Variants in PLEKHM3 observed in about 807,000 individuals in gnomAD.
The protein encoded by PLEKHM3 is pleckstrin homology domain containing M3.
Under a neutral mutation model 81.8 loss-of-function variants are expected in PLEKHM3, and 45 were observed. The ratio of observed to expected loss-of-function variants is 0.55; its 90% CI spans 0.43 to 0.71. The LOEUF is 0.71. PLEKHM3 is among the 30% of genes least tolerant of loss of function. The pLI is 0.00. For synonymous variants in PLEKHM3, 352 were observed against 356.4 expected (o/e 0.99, Z 0.14); for missense variants, 788 against 924.3 (o/e 0.85, Z 1.91).
intron 6 of PLEKHM3, among the ~76,000 whole-genome samples, chr2:207,881,777 C>T (rs1330177957): frequency 6.6e-6 from 1 of 152,174 alleles, no homozygotes; most frequent in East Asian, 1.9e-4. Flanking sequence ...AATTTCCCTT[C>T]CCTTTCTCCT....
At chr2:207,912,733 A>C (rs926657864) in intron 5 of PLEKHM3, among the ~76,000 whole-genome samples, 1 of 152,228 alleles carries the variant, frequency 6.6e-6, no homozygotes, top group Admixed American at 6.5e-5. Flanking sequence ...TAAAATAAGA[A>C]AAAGATTTTT....
At chr2:207,877,144 T>C (rs2092563540) in intron 6 of PLEKHM3, among the ~76,000 whole-genome samples, 1 of 152,142 alleles carries the variant, frequency 6.6e-6, no homozygotes, top group African/African-American at 2.4e-5. Flanking sequence ...AAGATAAGAT[T>C]AGTTTCAAAA....
At chr2:207,918,425 G>C (rs1458258276) in intron 5 of PLEKHM3, among the ~76,000 whole-genome samples, 1 of 152,170 alleles carries the variant, frequency 6.6e-6, no homozygotes, top group Non-Finnish European at 1.5e-5. Context: ...AGGAGGCTGA[G>C]GCAGGAGAAT....
intron 7 of PLEKHM3, among the ~76,000 whole-genome samples, chr2:207,833,610 G>C (rs961116533): frequency 2.6e-5 from 4 of 152,124 alleles, no homozygotes; most frequent in Non-Finnish European, 5.9e-5. Flanking sequence ...GGTGTCCTGT[G>C]CATCATAGGA....
At chr2:208,019,208 AGGTAGGAGGATC>A (rs1162476760) in intron 1 of PLEKHM3, among the ~76,000 whole-genome samples, 3 of 152,094 alleles carry the variant, frequency 2.0e-5, no homozygotes, top group African/African-American at 7.2e-5. Flanking sequence ...CAGTAGGCTG[AGGTAGGAGGATC>A]GCTTGGGCTC....
intron 4 of PLEKHM3, among the ~76,000 whole-genome samples, chr2:207,945,223 G>A (rs1400841578): frequency 1.3e-5 from 2 of 152,126 alleles, no homozygotes; most frequent in African/African-American, 4.8e-5. Flanking sequence ...CTACCTCACT[G>A]CTCACTCCTT....
intron 6 of PLEKHM3, among the ~76,000 whole-genome samples, chr2:207,883,152 C>T (rs556094639): frequency 5.3e-5 from 8 of 152,336 alleles, no homozygotes; most frequent in African/African-American, 1.9e-4. Flanking sequence ...CTCCTTCCCC[C>T]TAAAGGAAGT....
chr2:207,961,066 A>G (rs1319455087), intron 3 of PLEKHM3, among the ~76,000 whole-genome samples: 2 of 152,266 alleles, frequency 1.3e-5, no homozygotes, highest in Admixed American at 6.5e-5. Flanking sequence ...GACTGTGAAA[A>G]GGCTGGCTCG....
At chr2:207,917,961 T>C (rs932047813) in intron 5 of PLEKHM3, among the ~76,000 whole-genome samples, 1 of 152,210 alleles carries the variant, frequency 6.6e-6, no homozygotes. Context: ...TTCTACCTAA[T>C]ATACTTGATT....
intron 5 of PLEKHM3, among the ~76,000 whole-genome samples, chr2:207,926,293 T>A (rs966817012): frequency 3.9e-5 from 6 of 152,200 alleles, no homozygotes; most frequent in African/African-American, 1.4e-4. Context: ...CTGATTTTTT[T>A]AAAGTTGGCA....
At chr2:207,964,579 G>A (rs1320923538) in intron 3 of PLEKHM3, among the ~76,000 whole-genome samples, 2 of 151,950 alleles carry the variant, frequency 1.3e-5, no homozygotes, top group East Asian at 3.9e-4. Context: ...GGTCAATAAA[G>A]TCTTGCAAAA....
intron 3 of PLEKHM3, among the ~76,000 whole-genome samples, chr2:207,954,599 C>G (rs1316142806): frequency 6.6e-6 from 1 of 152,110 alleles, no homozygotes; most frequent in East Asian, 1.9e-4. Context: ...AAAATAAAAT[C>G]AATTCAGATT....
At chr2:207,841,387 C>T (rs185287869) in intron 7 of PLEKHM3, among the ~76,000 whole-genome samples, 113 of 138,512 alleles carry the variant, frequency 8.2e-4, no homozygotes, top group African/African-American at 3.0e-3. Flanking sequence ...ATCGCTTCAA[C>T]CTGGGAGGCC....
At chr2:208,018,430 C>A (rs569044648) in intron 1 of PLEKHM3, among the ~76,000 whole-genome samples, 2 of 151,876 alleles carry the variant, frequency 1.3e-5, no homozygotes, top group African/African-American at 4.8e-5. Context: ...CTCTCAAGCT[C>A]TATATCTGCA....
chr2:207,986,379 T>C (rs1219276175), intron 2 of PLEKHM3, among the ~76,000 whole-genome samples: 2 of 152,168 alleles, frequency 1.3e-5, no homozygotes, highest in African/African-American at 2.4e-5. Context: ...ATCTATGACA[T>C]TTCTTTCACT....
At chr2:207,876,590 C>G (rs1347527580) in intron 6 of PLEKHM3, among the ~76,000 whole-genome samples, 1 of 152,176 alleles carries the variant, frequency 6.6e-6, no homozygotes, top group East Asian at 1.9e-4. Flanking sequence ...ATTAGAATGA[C>G]TTATGCAGTG....
At chr2:208,013,387 G>A (rs1292654066) in intron 1 of PLEKHM3, among the ~76,000 whole-genome samples, 3 of 152,042 alleles carry the variant, frequency 2.0e-5, no homozygotes, top group East Asian at 3.9e-4. Flanking sequence ...ATGGTGGCGC[G>A]TGCCTGTAGT....
chr2:207,872,948 G>GGA (rs752456244), intron 6 of PLEKHM3, among the ~76,000 whole-genome samples: 3 of 152,156 alleles, frequency 2.0e-5, no homozygotes, highest in Non-Finnish European at 4.4e-5. Context: ...GCAACTCCCT[G>GGA]TATGTACGTA....
chr2:207,963,661 G>C (rs765179839), intron 3 of PLEKHM3, among the ~76,000 whole-genome samples: 3 of 152,110 alleles, frequency 2.0e-5, no homozygotes, highest in Non-Finnish European at 4.4e-5. Flanking sequence ...CATGATATTA[G>C]GATGTATTAA....
Sources: gnomAD v4.1 joint callset for allele counts (sites outside exome capture counted in the v4.1 genomes callset) on GRCh38, gnomAD v4.1.1 for gene constraint, MANE v1.5 for transcripts, NCBI Gene and HGNC (gene_info 2026-07-23, HGNC 2026-07-21) for gene names.